ADAMTS16: variants seen among roughly 807,000 people sequenced by gnomAD.
ADAMTS16 encodes the protein A disintegrin and metalloproteinase with thrombospondin motifs 16.
ADAMTS16 carries 94 observed loss-of-function variants against 145.8 expected under a neutral mutation model. The ratio of observed to expected loss-of-function variants is 0.64; its 90% CI spans 0.55 to 0.77. The LOEUF is 0.77. ADAMTS16 is among the 30% of genes least tolerant of loss of function. The pLI, the probability that ADAMTS16 is intolerant of heterozygous loss-of-function variation, is 0.00. For synonymous variants in ADAMTS16, 659 were observed against 604.3 expected, an observed-to-expected ratio of 1.09 and a Z score of -1.33; for missense variants, 1,585 against 1,591.5, an observed-to-expected ratio of 1.00 and a Z score of 0.07.
chr5:5,282,536 G>A (rs889603763), intron 18 of ADAMTS16, among the ~76,000 whole-genome samples: 14 of 152,054 alleles, frequency 9.2e-5, no homozygotes, highest in South Asian at 6.3e-4. Context: ...GTCCTTCCCC[G>A]CCCTTCCCTG....
At chr5:5,285,207 C>G (rs951783200) in intron 18 of ADAMTS16, among the ~76,000 whole-genome samples, 1 of 152,154 alleles carries the variant, frequency 6.6e-6, no homozygotes, top group Non-Finnish European at 1.5e-5. Flanking sequence ...ATTGTATGGC[C>G]TTATAGATAC....
intron 18 of ADAMTS16, among the ~76,000 whole-genome samples, chr5:5,265,413 C>T (rs1738200237): frequency 6.6e-6 from 1 of 152,088 alleles, no homozygotes; most frequent in Admixed American, 6.5e-5. Flanking sequence ...AAGGGTTGGT[C>T]CTTGTGGAAT....
rs1026636109 is a variant in ADAMTS16 at position 5,140,430 on chromosome 5, A to C, written c.-38A>C. On this transcript the variant is annotated 5_prime_UTR_variant, in exon 1 of 23. Transcript: ENST00000274181. The stretch of plus-strand genomic sequence containing the variant: ...CCCGCTCGCACGCTGCCGGCCGGGG[A>C]CCCTCCGGTGGCCCCTAGCCCCTCG... 6 of 1,487,382 alleles carry C rather than the reference A, an allele frequency of 4.0e-6. No individual in the cohort carries two copies. The highest frequency in any genetic ancestry group is 5.3e-6 in the Non-Finnish European group (6 of 1,126,596). 92.1% of individuals were successfully genotyped at this position (1,487,382 alleles called of 1,614,324 possible).
intron 10 of ADAMTS16, among the ~76,000 whole-genome samples, chr5:5,219,177 T>C (rs1286507058): frequency 6.6e-6 from 1 of 151,886 alleles, no homozygotes; most frequent in Admixed American, 6.6e-5. Context: ...CAATGTGTAA[T>C]ATTCAAAGCA....
At chr5:5,203,138 G>A (rs750867909) in intron 9 of ADAMTS16, among the ~76,000 whole-genome samples, 2 of 152,166 alleles carry the variant, frequency 1.3e-5, no homozygotes, top group Non-Finnish European at 2.9e-5. Context: ...TTGACCACAT[G>A]AGTATAAATA....
At chr5:5,292,926 G>T (rs1178388553) in intron 18 of ADAMTS16, among the ~76,000 whole-genome samples, 3 of 152,200 alleles carry the variant, frequency 2.0e-5, no homozygotes, top group Admixed American at 2.0e-4. Flanking sequence ...GGCCCCACGT[G>T]GTGTCTGTGA....
At chr5:5,210,102 A>T (rs902440159) in intron 10 of ADAMTS16, among the ~76,000 whole-genome samples, 1 of 152,188 alleles carries the variant, frequency 6.6e-6, no homozygotes, top group East Asian at 1.9e-4. Flanking sequence ...GGAGTCCCAG[A>T]CTGGAACAAG....
chr5:5,175,557 C>A (rs916725863), intron 3 of ADAMTS16, among the ~76,000 whole-genome samples: 1 of 152,144 alleles, frequency 6.6e-6, no homozygotes, highest in African/African-American at 2.4e-5. Flanking sequence ...GGTTGTACAC[C>A]CAACATGGCA....
intron 18 of ADAMTS16, among the ~76,000 whole-genome samples, chr5:5,280,489 T>C (rs1738861188): frequency 6.6e-6 from 1 of 152,190 alleles, no homozygotes; most frequent in Admixed American, 6.5e-5. Context: ...TCAACATGTG[T>C]GCCTAGTACT....
At chr5:5,152,172 G>T (rs1262873342) in intron 3 of ADAMTS16, among the ~76,000 whole-genome samples, 1 of 152,238 alleles carries the variant, frequency 6.6e-6, no homozygotes, top group South Asian at 2.1e-4. Context: ...GGCCCTGGAG[G>T]CAAGCTCCTT....
chr5:5,189,321 T>A (rs1446038754), intron 6 of ADAMTS16, among the ~76,000 whole-genome samples: 1 of 152,190 alleles, frequency 6.6e-6, no homozygotes, highest in Non-Finnish European at 1.5e-5. Context: ...AGTTCCAATG[T>A]TCTACGCTCT....
At chr5:5,297,712 C>T (rs924052236) in intron 18 of ADAMTS16, among the ~76,000 whole-genome samples, 9 of 151,772 alleles carry the variant, frequency 5.9e-5, no homozygotes, top group African/African-American at 2.2e-4. Flanking sequence ...TCCTCCACAC[C>T]TTTGGCTCCT....
rs555147187 is a variant in ADAMTS16 at position 5,171,374 on chromosome 5, T to G, written c.502-10670T>G. ...AGATCACAGAGGAAAGACTTTCAGC[T>G]TTTTTCCCATTCAGTATGACACTAG... On this transcript the variant is annotated intron_variant, in intron 3 of 22. Coordinates refer to ENST00000274181, the MANE Select transcript of ADAMTS16 (RefSeq NM_139056.4). 2.6e-5 allele frequency among the ~76,000 whole-genome samples: 4 copies of G among 152,314 alleles called. No homozygotes were observed. The East Asian group carries it at 5.8e-4, about 22-fold the overall frequency.
rs768862940 is a variant in ADAMTS16 at position 5,186,182 on chromosome 5, C to G, written c.894C>G (p.Val298=). ...EELNVETLVV[V]DKKMMQNHGH... ...TGAACGTGGAGACCTTGGTGGTGGT[C>G]GACAAAAAGATGATGCAAAACCATG... The change falls in exon 5 of 23, where the codon GTC becomes GTG. Residue 298 remains valine (V), a synonymous_variant. Transcript: ENST00000274181. 6.2e-7 allele frequency: 1 copy of G among 1,613,830 alleles called. No individual in the cohort carries two copies. The highest frequency in any genetic ancestry group is 1.1e-5 in the South Asian group (1 of 91,056).
chr5:5,233,894 T>G (rs1737014569), intron 12 of ADAMTS16, among the ~76,000 whole-genome samples: 4 of 152,230 alleles, frequency 2.6e-5, no homozygotes, highest in Admixed American at 2.0e-4. Flanking sequence ...ATATTTCTTT[T>G]TGTAGGTTTT....
At chr5:5,252,765 T>C (rs1192864213) in intron 17 of ADAMTS16, among the ~76,000 whole-genome samples, 2 of 152,174 alleles carry the variant, frequency 1.3e-5, no homozygotes, top group East Asian at 3.9e-4. Context: ...GGTCTCTGCG[T>C]GTACACCAGG....
chr5:5,163,225 T>C (rs2126529884), intron 3 of ADAMTS16, among the ~76,000 whole-genome samples: 1 of 152,346 alleles, frequency 6.6e-6, no homozygotes, highest in Non-Finnish European at 1.5e-5. Context: ...CACACTGCTA[T>C]ACAGTGATTT....
rs530045189 is a variant in ADAMTS16 at position 5,266,215 on chromosome 5, G to C, written c.2789+3432G>C. On this transcript the variant is annotated intron_variant, in intron 18 of 22. Transcript: ENST00000274181. ...TGGTCTACTCTGTGAAGCCCATCTAGAGAGAATGCTAGAGAAAACTCACCC... is the reference window on the plus strand; with the variant it reads ...TGGTCTACTCTGTGAAGCCCATCTACAGAGAATGCTAGAGAAAACTCACCC... Among the ~76,000 whole-genome samples, 7 of 152,246 alleles carry C rather than the reference G, an allele frequency of 4.6e-5. No individual in the cohort carries two copies. In the East Asian group the frequency reaches 1.4e-3, roughly 29 times the overall value.
chr5:5,168,932 G>A (rs1295556954), intron 3 of ADAMTS16, among the ~76,000 whole-genome samples: 1 of 150,944 alleles, frequency 6.6e-6, no homozygotes, highest in Non-Finnish European at 1.5e-5. Flanking sequence ...CCTGAGCCCC[G>A]GATTCCTCTC....
Sources: allele counts gnomAD v4.1 joint callset (sites outside exome capture counted in the v4.1 genomes callset), GRCh38; gene constraint gnomAD v4.1.1; transcripts MANE v1.5; gene names NCBI Gene and HGNC (gene_info 2026-07-23, HGNC 2026-07-21).